TMBIM4: variants seen among roughly 807,000 people sequenced by gnomAD.
TMBIM4 encodes the protein transmembrane BAX inhibitor motif containing 4, also known as protein lifeguard 4.
Under a neutral mutation model 27.7 loss-of-function variants are expected in TMBIM4, and 28 were observed. That is an observed-to-expected ratio of 1.01 (90% CI 0.75 to 1.38). TMBIM4 has a LOEUF of 1.38. Ranked by LOEUF, TMBIM4 falls within the 40% of genes most tolerant of loss-of-function variation. TMBIM4 has a pLI of 0.00. For synonymous variants in TMBIM4, 115 were observed against 113.1 expected (o/e 1.02, Z -0.11); for missense variants, 265 against 277.5 (o/e 0.95, Z 0.32).
chr12:66,168,480 C>T (rs1317357191), intron 1 of TMBIM4, among the ~76,000 whole-genome samples: 1 of 151,954 alleles, frequency 6.6e-6, no homozygotes, highest in Non-Finnish European at 1.5e-5. Flanking sequence ...TAGTCTAAAG[C>T]TATGCCTTTA....
At chr12:66,159,487 G>T (rs186164520) in intron 1 of TMBIM4, among the ~76,000 whole-genome samples, 7 of 152,232 alleles carry the variant, frequency 4.6e-5, no homozygotes, top group African/African-American at 1.7e-4. Flanking sequence ...ATCTTGACTG[G>T]AGCCTCATGA....
chr12:66,142,098 G>A (rs2051678187), intron 5 of TMBIM4, among the ~76,000 whole-genome samples: 1 of 151,922 alleles, frequency 6.6e-6, no homozygotes, highest in Admixed American at 6.6e-5. Context: ...CAAAAGGACT[G>A]AACTCATACA....
chr12:66,141,017 C>A (rs1047640100), intron 5 of TMBIM4, among the ~76,000 whole-genome samples: 3 of 151,990 alleles, frequency 2.0e-5, no homozygotes, highest in African/African-American at 7.3e-5. Flanking sequence ...AACCCAAAAC[C>A]TAGAATCTTA....
intron 5 of TMBIM4, among the ~76,000 whole-genome samples, chr12:66,141,249 AT>A (rs1383171271): frequency 6.6e-6 from 1 of 152,138 alleles, no homozygotes. Flanking sequence ...AGATAATATA[AT>A]TTTTAGTGCA....
chr12:66,154,759 G>A (rs190160305), intron 1 of TMBIM4, among the ~76,000 whole-genome samples: 30 of 152,278 alleles, frequency 2.0e-4, no homozygotes, highest in Middle Eastern at 3.4e-3. Flanking sequence ...TGGCATGTCA[G>A]CCAAATATCA....
intron 6 of TMBIM4, 55 bp downstream of exon 6, chr12:66,138,669 T>C: frequency 7.3e-7 from 1 of 1,368,570 alleles, no homozygotes; most frequent in Non-Finnish European, 1.0e-6. Context: ...TTGAGGTTAT[T>C]TATATTGACA....
At chr12:66,149,919 A>G (rs1327398622) in intron 3 of TMBIM4, among the ~76,000 whole-genome samples, 1 of 152,156 alleles carries the variant, frequency 6.6e-6, no homozygotes, top group Non-Finnish European at 1.5e-5. Context: ...CTAGGGCAAG[A>G]TAAGATTCAC....
At chr12:66,141,153 G>C (rs2051662015) in intron 5 of TMBIM4, among the ~76,000 whole-genome samples, 1 of 152,188 alleles carries the variant, frequency 6.6e-6, no homozygotes, top group Non-Finnish European at 1.5e-5. Context: ...TGGAAATTTA[G>C]ATTTACATGA....
At chr12:66,155,060 T>C (rs1477109875) in intron 1 of TMBIM4, among the ~76,000 whole-genome samples, 1 of 152,206 alleles carries the variant, frequency 6.6e-6, no homozygotes, top group African/African-American at 2.4e-5. Flanking sequence ...GTCTGAATGC[T>C]TTGGGAGGTC....
At chr12:66,169,350 G>A in intron 1 of TMBIM4, 1 of 666,606 alleles carries the variant, frequency 1.5e-6, no homozygotes, top group Non-Finnish European at 2.7e-6. Context: ...TTGCATTCTG[G>A]GCCCTGCGGA....
intron 1 of TMBIM4, chr12:66,160,060 A>G (rs2052008262): frequency 1.7e-6 from 1 of 594,900 alleles, no homozygotes. Flanking sequence ...ATTGGGACAC[A>G]ATCACACTCA....
chr12:66,145,929 G>T lies in TMBIM4; in HGVS notation c.376C>A (p.Gln126Lys). Residue 126 changes from glutamine (Q) to lysine (K), a missense_variant, in exon 5 of 7, where the codon CAA becomes AAA. Coordinates refer to ENST00000358230, the MANE Select transcript of TMBIM4 (RefSeq NM_016056.4). ...VTFYDVYIILQAFILTTTVFF... is the reference protein window; with the variant it reads ...VTFYDVYIILKAFILTTTVFF... ...ACTGTAGTAGTCAGTATGAAAGCTT[G>T]CAGAATAATATATACATCATAGAAA... The T allele has an allele frequency of 6.3e-7, 1 of 1,586,672 alleles. No homozygotes were observed.
In TMBIM4 at chr12:66,145,947, C is replaced by A. The variant is rs1467237379; in HGVS notation, c.358G>T (p.Asp120Tyr). The part of the protein sequence containing the change: ...LTVAVVVTFY[D>Y]VYIILQAFIL... ...AAAGCTTGCAGAATAATATATACAT[C>A]ATAGAAAGTAACTGTAAAATTAAAA... Residue 120 changes from aspartate to tyrosine, a missense_variant, in exon 5 of 7, where the codon GAT becomes TAT. Asp to Tyr is a radical substitution (Grantham distance 160). Coordinates refer to ENST00000358230, the MANE Select transcript of TMBIM4 (RefSeq NM_016056.4). 1 of 1,531,296 alleles carries A rather than the reference C, an allele frequency of 6.5e-7. No individual in the cohort carries two copies. The allele number at this position is 1,531,296 out of a possible 1,614,324, so 94.9% of individuals were successfully genotyped here. A position where few individuals can be genotyped will look rare whatever the true frequency, so the allele number is the denominator to read the frequency against.
chr12:66,153,300 C>T (rs1476055322), intron 2 of TMBIM4, 40 bp downstream of exon 2: 1 of 1,167,716 alleles, frequency 8.6e-7, no homozygotes, highest in Non-Finnish European at 1.2e-6. Context: ...TGATCATATG[C>T]AATGTCTGAA....
At chr12:66,138,997 A>C (rs1038825902) in intron 5 of TMBIM4, 119 of 441,762 alleles carry the variant, frequency 2.7e-4, no homozygotes, top group Non-Finnish European at 3.9e-4. Flanking sequence ...ATGGTATACA[A>C]ACCTAGTTAA....
rs532600916 is a variant in TMBIM4, at chr12:66,158,238, A to G, written c.98-4790T>C. 9.4e-4 allele frequency among the ~76,000 whole-genome samples: 143 copies of G among 151,690 alleles called. 6 individuals carry two copies. The highest frequency in any genetic ancestry group is 1.4e-3 in the Non-Finnish European group (97 of 67,894). ...GAGACTCCGTCTCACAAAAAAAAAA[A>G]AAACAAAAAAATGAAAGGCTTCTGA... is the stretch of plus-strand genomic sequence containing the variant. On this transcript the variant is annotated intron_variant, in intron 1 of 6. Transcript: ENST00000358230.
At chr12:66,146,642 T>G in intron 4 of TMBIM4, among the ~76,000 whole-genome samples, 1 of 152,204 alleles carries the variant, frequency 6.6e-6, no homozygotes, top group East Asian at 1.9e-4. Context: ...GCTATTGTAA[T>G]AAAACTCCTT....
At chr12:66,159,668 C>T (rs1164888140) in intron 1 of TMBIM4, among the ~76,000 whole-genome samples, 1 of 152,246 alleles carries the variant, frequency 6.6e-6, no homozygotes, top group Non-Finnish European at 1.5e-5. Flanking sequence ...ATCCACCCGC[C>T]ATCTCCCTTA....
chr12:66,145,656 G>A (rs959210871), intron 5 of TMBIM4, among the ~76,000 whole-genome samples, 185 bp downstream of exon 5: 1 of 151,592 alleles, frequency 6.6e-6, no homozygotes, highest in Admixed American at 6.6e-5. Context: ...ATAAGTCAAA[G>A]CCACTTTCCA....
Sources: allele counts gnomAD v4.1 joint callset (sites outside exome capture counted in the v4.1 genomes callset), GRCh38; gene constraint gnomAD v4.1.1; transcripts MANE v1.5; gene names NCBI Gene and HGNC (gene_info 2026-07-23, HGNC 2026-07-21).